EXOC6B: variants seen among roughly 807,000 people sequenced by gnomAD.
EXOC6B encodes the protein SEC15 homolog B.
Under a neutral mutation model 113.5 loss-of-function variants are expected in EXOC6B, and 54 were observed. The ratio of observed to expected loss-of-function variants is 0.48; its 90% CI spans 0.38 to 0.60. The LOEUF (loss-of-function observed/expected upper bound fraction) is 0.60, where lower values mean the gene tolerates loss of function less well. Among genes scored for constraint, EXOC6B ranks in the 20% least tolerant of loss-of-function variants. The pLI, the probability that EXOC6B is intolerant of heterozygous loss-of-function variation, is 0.00. For missense variants in EXOC6B, 797 were observed against 977.5 expected (o/e 0.82, Z 2.46); for synonymous variants, 357 against 339.0 (o/e 1.05, Z -0.58).
chr2:72,399,510 A>C (rs2105150995), intron 18 of EXOC6B, among the ~76,000 whole-genome samples: 1 of 152,318 alleles, frequency 6.6e-6, no homozygotes, highest in Non-Finnish European at 1.5e-5. Context: ...GAGTCAAACT[A>C]TCTCTCCTTG....
intron 6 of EXOC6B, among the ~76,000 whole-genome samples, chr2:72,713,095 T>C (rs945964831): frequency 6.6e-6 from 1 of 152,212 alleles, no homozygotes; most frequent in Admixed American, 6.5e-5. Flanking sequence ...TGAAGTTTAA[T>C]TAGGGTAGAA....
At chr2:72,785,535 G>T (rs973046942) in intron 1 of EXOC6B, among the ~76,000 whole-genome samples, 1 of 152,208 alleles carries the variant, frequency 6.6e-6, no homozygotes, top group Non-Finnish European at 1.5e-5. Context: ...CTCAATTCTT[G>T]ACATCTGTGA....
chr2:72,672,593 G>A lies in EXOC6B; in HGVS notation c.669+45510C>T, dbSNP rs1242657447. Among the ~76,000 whole-genome samples, 4 of 151,210 alleles carry A rather than the reference G, an allele frequency of 2.6e-5. 1 individual carries two copies. The highest frequency in any genetic ancestry group is 3.2e-3 in the Middle Eastern group (1 of 314). On this transcript the variant is annotated intron_variant, in intron 6 of 21. Transcript: ENST00000272427. ...AAAGAAAAAGAAAAGAAAAGAAAACGTGGTATATATACACAATGGAATACT... is the reference window on the plus strand; with the variant it reads ...AAAGAAAAAGAAAAGAAAAGAAAACATGGTATATATACACAATGGAATACT...
rs181850500 is a variant in EXOC6B at position 72,421,697 on chromosome 2, G to A, written c.1981-41827C>T. Reference sequence around the variant, plus strand: ...GTCACAGCCCTCACTCGCTCTCGGCGCCTCCTCTGCCTGGGCTCCCACTTT... The same window carrying A: ...GTCACAGCCCTCACTCGCTCTCGGCACCTCCTCTGCCTGGGCTCCCACTTT... On this transcript the variant is annotated intron_variant, in intron 18 of 21. Transcript: ENST00000272427. 4.9e-3 allele frequency among the ~76,000 whole-genome samples: 743 copies of A among 152,352 alleles called. 15 individuals carry two copies. The highest frequency in any genetic ancestry group is 0.043 in the Admixed American group (654 of 15,306).
chr2:72,188,385 T>G (rs1678584079), intron 20 of EXOC6B, among the ~76,000 whole-genome samples: 1 of 152,200 alleles, frequency 6.6e-6, no homozygotes. Context: ...ATAACTCTAT[T>G]AAGTTCAACC....
chr2:72,799,111 G>A lies in EXOC6B; in HGVS notation c.113+26687C>T, dbSNP rs534669276. 5.3e-5 allele frequency among the ~76,000 whole-genome samples: 8 copies of A among 151,604 alleles called. No homozygotes were observed. In the East Asian group the frequency reaches 7.8e-4, roughly 15 times the overall value. ...AAAAATTACCCGGGCATGGTAGCGCGCTCCTGTTGTCCCAGCTACTTGGGA... is the reference window on the plus strand; with the variant it reads ...AAAAATTACCCGGGCATGGTAGCGCACTCCTGTTGTCCCAGCTACTTGGGA... On this transcript the variant is annotated intron_variant, in intron 1 of 21. Coordinates refer to ENST00000272427, the MANE Select transcript of EXOC6B (RefSeq NM_015189.3).
At position 72,181,074 on chromosome 2, in the gene EXOC6B, T is replaced by G. The variant is rs553860938; in HGVS notation, c.2310-1613A>C. 5.3e-5 allele frequency among the ~76,000 whole-genome samples: 8 copies of G among 152,128 alleles called. No homozygotes were observed. In the South Asian group the frequency reaches 1.0e-3, roughly 20 times the overall value. ...AATCCAGAAAGTAGGCCGGGTGTGGTGGCAGGTGCCTGTAGTCCCAGCTAT... is the reference window on the plus strand; with the variant it reads ...AATCCAGAAAGTAGGCCGGGTGTGGGGGCAGGTGCCTGTAGTCCCAGCTAT... On this transcript the variant is annotated intron_variant, in intron 21 of 21. Transcript: ENST00000272427.
chr2:72,315,459 T>C (rs1378985937), intron 20 of EXOC6B, among the ~76,000 whole-genome samples: 1 of 152,154 alleles, frequency 6.6e-6, no homozygotes, highest in Admixed American at 6.5e-5. Flanking sequence ...AGGAATGATA[T>C]GATCTGACTT....
chr2:72,224,435 C>T (rs1478945333), intron 20 of EXOC6B, among the ~76,000 whole-genome samples: 1 of 151,934 alleles, frequency 6.6e-6, no homozygotes, highest in Non-Finnish European at 1.5e-5. Flanking sequence ...AAGATACATA[C>T]TACTCAATTC....
intron 1 of EXOC6B, among the ~76,000 whole-genome samples, chr2:72,757,039 A>G (rs186635616): frequency 1.8e-3 from 281 of 152,324 alleles, no homozygotes; most frequent in Admixed American, 3.1e-3. Context: ...AATTTTTTCT[A>G]TTTCTGTATT....
At chr2:72,311,059 T>C (rs1243730439) in intron 20 of EXOC6B, among the ~76,000 whole-genome samples, 1 of 152,222 alleles carries the variant, frequency 6.6e-6, no homozygotes, top group Non-Finnish European at 1.5e-5. Flanking sequence ...TGCATTCTGC[T>C]ATTGTATAGA....
In EXOC6B at chr2:72,513,148, G is replaced by A; in HGVS notation, c.1151C>T (p.Ala384Val). 1 of 1,613,204 alleles carries A rather than the reference G, an allele frequency of 6.2e-7. No homozygotes were observed. The highest frequency in any genetic ancestry group is 1.1e-5 in the South Asian group (1 of 91,052). ...CTTACATACCGAGTGGGTACGGAGT[G>A]CTGCGATGGTTTTTGAAAGTGCCAT... ...WEMALSKTIA[A>V]LRTHSSYCSD... The change falls in exon 11 of 22, where the codon GCA becomes GTA. Residue 384 changes from alanine (A) to valine (V), a missense_variant. Coordinates refer to ENST00000272427, the MANE Select transcript of EXOC6B (RefSeq NM_015189.3).
At chr2:72,491,682 C>A (rs527596257) in intron 16 of EXOC6B, among the ~76,000 whole-genome samples, 57 of 152,088 alleles carry the variant, frequency 3.7e-4, no homozygotes, top group Non-Finnish European at 5.9e-4. Flanking sequence ...ATCTCGTTTG[C>A]CAAGGTACTA....
chr2:72,477,889 T>C (rs573191712), intron 17 of EXOC6B, among the ~76,000 whole-genome samples: 2 of 152,316 alleles, frequency 1.3e-5, no homozygotes, highest in African/African-American at 4.8e-5. Flanking sequence ...TTTTCCCTAG[T>C]TCTTATCACT....
At chr2:72,775,813 A>T (rs1683668415) in intron 1 of EXOC6B, among the ~76,000 whole-genome samples, 1 of 152,202 alleles carries the variant, frequency 6.6e-6, no homozygotes, top group Non-Finnish European at 1.5e-5. Flanking sequence ...ACAGTGATGA[A>T]ACAATTCGAT....
intron 1 of EXOC6B, among the ~76,000 whole-genome samples, chr2:72,772,320 T>G (rs1683451445): frequency 6.6e-6 from 1 of 151,980 alleles, no homozygotes; most frequent in East Asian, 1.9e-4. Context: ...GGCCTGCCCC[T>G]GCAGGACCAG....
rs191498432 is a variant in EXOC6B at position 72,816,249 on chromosome 2, G to T, written c.113+9549C>A. 1.1e-4 allele frequency among the ~76,000 whole-genome samples: 15 copies of T among 136,418 alleles called. No homozygotes were observed. The East Asian group carries it at 3.3e-3, about 30-fold the overall frequency. The allele number at this position is 136,418 out of a possible 152,430, so 89.5% of individuals were successfully genotyped here. A position where few individuals can be genotyped will look rare whatever the true frequency, so the allele number is the denominator to read the frequency against. ...CCTGCATTATTTTTTCTGGCAAAAG[G>T]CTGGAAATAATCCAAATATCCAGAA... On this transcript the variant is annotated intron_variant, in intron 1 of 21. Transcript: ENST00000272427.
intron 20 of EXOC6B, among the ~76,000 whole-genome samples, chr2:72,203,257 A>C (rs1433572911): frequency 6.6e-6 from 1 of 152,212 alleles, no homozygotes; most frequent in Non-Finnish European, 1.5e-5. Context: ...CTTTTCAATC[A>C]GTCCCAGGCA....
At chr2:72,325,806 T>C (rs6546764) in intron 20 of EXOC6B, among the ~76,000 whole-genome samples, 52,240 of 151,736 alleles carry the variant, frequency 0.34, 14,123 homozygotes, top group African/African-American at 0.76. Flanking sequence ...TCCTACCTCA[T>C]ACCTTTACCC....
Sources: gnomAD v4.1 joint callset for allele counts (sites outside exome capture counted in the v4.1 genomes callset) on GRCh38, gnomAD v4.1.1 for gene constraint, MANE v1.5 for transcripts, NCBI Gene and HGNC (gene_info 2026-07-23, HGNC 2026-07-21) for gene names.